TREH: variants seen among roughly 807,000 people sequenced by gnomAD.
TREH encodes the protein trehalase.
TREH carries 69 observed loss-of-function variants against 80.5 expected under a neutral mutation model. That is an observed-to-expected ratio of 0.86 (90% CI 0.71 to 1.05). TREH has a LOEUF of 1.05. Among genes scored for constraint, TREH ranks in the 50% least tolerant of loss-of-function variants. TREH has a pLI of 0.00. For synonymous variants in TREH, 309 were observed against 293.5 expected (o/e 1.05, Z -0.54); for missense variants, 716 against 718.8 (o/e 1.00, Z 0.04).
intron 1 of TREH, among the ~76,000 whole-genome samples, chr11:118,666,830 C>T (rs958460703): frequency 6.6e-6 from 1 of 152,076 alleles, no homozygotes; most frequent in African/African-American, 2.4e-5. Flanking sequence ...CCCTTGTTTT[C>T]GTGGATGAAA....
At chr11:118,677,956 T>C (rs1784298) in intron 1 of TREH, among the ~76,000 whole-genome samples, 52,785 of 151,582 alleles carry the variant, frequency 0.35, 9,428 homozygotes, top group Admixed American at 0.47. Flanking sequence ...CCCCTTTATA[T>C]TCCACAATTG....
At chr11:118,668,707 A>G (rs1387191313) in intron 1 of TREH, among the ~76,000 whole-genome samples, 1 of 152,106 alleles carries the variant, frequency 6.6e-6, no homozygotes, top group Non-Finnish European at 1.5e-5. Flanking sequence ...TGGGAGGCCA[A>G]GGCAGGCGGA....
intron 1 of TREH, among the ~76,000 whole-genome samples, chr11:118,670,358 T>C (rs1183195226): frequency 1.3e-5 from 2 of 152,224 alleles, no homozygotes; most frequent in East Asian, 3.8e-4. Flanking sequence ...CAAACTCTAT[T>C]ATACAACAGT....
intron 1 of TREH, among the ~76,000 whole-genome samples, chr11:118,671,999 T>C (rs1053820006): frequency 3.3e-5 from 5 of 152,110 alleles, no homozygotes; most frequent in African/African-American, 4.8e-5. Flanking sequence ...ATAAAGACTT[T>C]CCCAGACAAA....
At chr11:118,659,509 T>G (rs1210655353) in intron 11 of TREH, 28 bp from the exon 12 acceptor site, 1 of 1,529,068 alleles carries the variant, frequency 6.5e-7, no homozygotes, top group Non-Finnish European at 8.8e-7. Flanking sequence ...TTCCCATGAC[T>G]GTGGGTGGGG....
At chr11:118,668,507 A>G (rs1348502832) in intron 1 of TREH, among the ~76,000 whole-genome samples, 1 of 117,362 alleles carries the variant, frequency 8.5e-6, no homozygotes, top group Non-Finnish European at 1.6e-5. Context: ...GAGGTTGCAG[A>G]GCCGTGATTG....
At chr11:118,659,112 C>T (rs1949271296) in intron 12 of TREH, 95 bp from the exon 13 acceptor site, 4 of 1,334,436 alleles carry the variant, frequency 3.0e-6, no homozygotes, top group East Asian at 4.6e-5. Context: ...GGAAAGAGGC[C>T]TGGGCCCTAA....
intron 1 of TREH, among the ~76,000 whole-genome samples, chr11:118,669,552 A>G (rs2137278326): frequency 6.6e-6 from 1 of 152,374 alleles, no homozygotes; most frequent in African/African-American, 2.4e-5. Flanking sequence ...AAGAACATGG[A>G]TGGAACTGGA....
chr11:118,660,324 C>G (rs1158531198), intron 10 of TREH, among the ~76,000 whole-genome samples: 1 of 152,124 alleles, frequency 6.6e-6, no homozygotes, highest in Non-Finnish European at 1.5e-5. Context: ...CCCTAGAGAC[C>G]CTCACAGTAA....
rs782721212 is a variant in TREH at position 118,658,951 on chromosome 11, C to T, written c.1499G>A (p.Arg500Gln). Reference sequence around the variant, plus strand: ...CTGCGAGTAGACATCAAAATTGGTTCGGATCCAATTCTGAGCCAGCTGGAA... The same window carrying T: ...CTGCGAGTAGACATCAAAATTGGTTTGGATCCAATTCTGAGCCAGCTGGAA... Reference protein sequence around the residue: ...VAFQLAQNWIRTNFDVYSQKS... With the variant: ...VAFQLAQNWIQTNFDVYSQKS... The change falls in exon 13 of 15, where the codon CGA (arginine) becomes CAA (glutamine). Residue 500 changes from arginine to glutamine, a missense_variant. Physicochemically the swap from Arg to Gln is conservative, Grantham distance 43. Coordinates refer to ENST00000264029, the MANE Select transcript of TREH (RefSeq NM_007180.3). The T allele has an allele frequency of 9.3e-6, 15 of 1,613,812 alleles. No homozygotes were observed. Among genetic ancestry groups the T allele is most frequent in the East Asian group, 2.2e-5 (1 of 44,900 alleles).
rs1028212918 is a variant in TREH at position 118,668,640 on chromosome 11, T to C, written c.90-5201A>G. Among the ~76,000 whole-genome samples, 4 of 140,856 alleles carry C rather than the reference T, an allele frequency of 2.8e-5. No homozygotes were observed. The South Asian group carries it at 9.1e-4, about 32-fold the overall frequency. The allele number at this position is 140,856 out of a possible 152,430, so 92.4% of individuals were successfully genotyped here. A position where few individuals can be genotyped will look rare whatever the true frequency, so the allele number is the denominator to read the frequency against. On this transcript the variant is annotated intron_variant, in intron 1 of 14. Transcript: ENST00000264029. ...ATTGGAAGAATCAATATTGTTAAAA[T>C]GTTCAAATGTTCATATGGGCTGGGC...
intron 1 of TREH, among the ~76,000 whole-genome samples, chr11:118,678,601 G>A (rs1591839523): frequency 6.6e-6 from 1 of 150,758 alleles, no homozygotes; most frequent in South Asian, 2.1e-4. Flanking sequence ...GACCTCAGAT[G>A]ATAGCTCCCA....
At chr11:118,667,142 A>C (rs1261930973) in intron 1 of TREH, among the ~76,000 whole-genome samples, 2 of 152,012 alleles carry the variant, frequency 1.3e-5, no homozygotes, top group African/African-American at 4.8e-5. Context: ...TCAGCCTCCC[A>C]AAGTGCTGGG....
At chr11:118,658,864 G>A (rs1555144097) in intron 13 of TREH, 41 bp downstream of exon 13, 2 of 1,611,282 alleles carry the variant, frequency 1.2e-6, no homozygotes, top group Non-Finnish European at 1.7e-6. Flanking sequence ...AGTGGCCACT[G>A]GGACAGCCTG....
chr11:118,658,490 C>T (rs1377787066), intron 14 of TREH, 49 bp from the exon 15 acceptor site: 3 of 1,592,566 alleles, frequency 1.9e-6, no homozygotes, highest in African/African-American at 1.3e-5. Flanking sequence ...GCCTCATACC[C>T]TTGGTGGGGG....
intron 1 of TREH, among the ~76,000 whole-genome samples, chr11:118,675,892 A>C (rs526597): frequency 1.3e-5 from 2 of 152,034 alleles, no homozygotes; most frequent in African/African-American, 2.4e-5. Context: ...TGGTAGAGAC[A>C]GGGTTTCACC....
At chr11:118,660,095 G>T in intron 10 of TREH, 131 bp from the exon 11 acceptor site, 1 of 868,822 alleles carries the variant, frequency 1.2e-6, no homozygotes, top group Non-Finnish European at 1.7e-6. Context: ...ATGACCAAGG[G>T]GATGTGCCGA....
chr11:118,659,782 G>T lies in TREH; in HGVS notation c.1285C>A (p.Pro429Thr), dbSNP rs782281252. The T allele has an allele frequency of 1.0e-5, 16 of 1,584,528 alleles. No homozygotes were observed. Among genetic ancestry groups the T allele is most frequent in the East Asian group, 2.3e-5 (1 of 43,474 alleles). ...TTCAGAGCCTTGTCCGCCACGCCAGGGTCAGAGAAACACCCGGCCCAGAGT... is the reference window on the plus strand; with the variant it reads ...TTCAGAGCCTTGTCCGCCACGCCAGTGTCAGAGAAACACCCGGCCCAGAGT... ...TPLWAGCFSD[P>T]GVADKALKYL... The change falls in exon 11 of 15, where the codon CCT (proline) becomes ACT (threonine). Residue 429 changes from proline (P) to threonine (T), a missense_variant. By Grantham distance (38) the Pro-to-Thr change is conservative. Coordinates refer to ENST00000264029, the MANE Select transcript of TREH (RefSeq NM_007180.3).
At chr11:118,658,859 C>T (rs782404116) in intron 13 of TREH, 46 bp downstream of exon 13, 3 of 1,608,614 alleles carry the variant, frequency 1.9e-6, no homozygotes, top group Admixed American at 3.3e-5. Context: ...TCAGGAGTGG[C>T]CACTGGGACA....
Sources: allele counts gnomAD v4.1 joint callset (sites outside exome capture counted in the v4.1 genomes callset), GRCh38; gene constraint gnomAD v4.1.1; transcripts MANE v1.5; gene names NCBI Gene and HGNC (gene_info 2026-07-23, HGNC 2026-07-21).